NAV3: variants seen among roughly 807,000 people sequenced by gnomAD.
The protein encoded by NAV3 is neuron navigator 3, also known as pore membrane and/or filament interacting like protein 1.
A neutral mutation model predicts 244.7 loss-of-function variants in NAV3; 87 were observed. The observed-to-expected ratio is 0.36, with a 90% CI of 0.30 to 0.42. The LOEUF (loss-of-function observed/expected upper bound fraction) is 0.42, where lower values mean the gene tolerates loss of function less well. NAV3 is among the 20% of genes least tolerant of loss of function. The pLI is 1.00. For missense variants in NAV3, 2,663 were observed against 2,893.3 expected, an observed-to-expected ratio of 0.92 and a Z score of 1.83; for synonymous variants, 1,126 against 1,042.2, an observed-to-expected ratio of 1.08 and a Z score of -1.55.
chr12:78,062,671 C>A (rs1278496487), intron 12 of NAV3, among the ~76,000 whole-genome samples: 2 of 152,000 alleles, frequency 1.3e-5, no homozygotes, highest in Non-Finnish European at 2.9e-5. Flanking sequence ...TTCACTTCTC[C>A]AATATAATAG....
chr12:77,782,252 C>G (rs918007709), intron 2 of NAV3, among the ~76,000 whole-genome samples: 2 of 151,332 alleles, frequency 1.3e-5, no homozygotes, highest in Non-Finnish European at 2.9e-5. Context: ...CCTCTCCCCG[C>G]CTCCAACTCC....
In NAV3 at chr12:77,941,081, C is replaced by T; in HGVS notation, c.362C>T (p.Ala121Val). The change falls in exon 3 of 40, where the codon GCA becomes GTA. Residue 121 changes from alanine to valine, a missense_variant and splice_region_variant. Physicochemically the swap from Ala to Val is moderately conservative, Grantham distance 64. This residue lies in a region of NAV3 where 1,521 missense variants were observed against 1,497.0 expected (regional missense o/e 1.02). Coordinates refer to ENST00000397909, the MANE Select transcript of NAV3 (RefSeq NM_001024383.2). ...CTTTTATTTTATCTCTTGGCTTTAGCAAATGAAAAAGTTGAAGATATCAAT... is the reference window on the plus strand; with the variant it reads ...CTTTTATTTTATCTCTTGGCTTTAGTAAATGAAAAAGTTGAAGATATCAAT... ...VLLAEIIQII[A>V]NEKVEDINGC... 6.4e-7 allele frequency: 1 copy of T among 1,573,328 alleles called. No individual in the cohort carries two copies. Among genetic ancestry groups the T allele is most frequent in the Non-Finnish European group, 8.7e-7 (1 of 1,151,180 alleles).
At chr12:77,626,795 A>C (rs1232461734) in intron 2 of NAV3, among the ~76,000 whole-genome samples, 1 of 152,192 alleles carries the variant, frequency 6.6e-6, no homozygotes, top group Non-Finnish European at 1.5e-5. Flanking sequence ...AGTCATTAGG[A>C]CTTAAATGCT....
At chr12:77,822,329 C>T (rs1016718227) in intron 2 of NAV3, among the ~76,000 whole-genome samples, 1 of 152,176 alleles carries the variant, frequency 6.6e-6, no homozygotes, top group Non-Finnish European at 1.5e-5. Flanking sequence ...CCCTTGTACT[C>T]ATCACCTGCT....
chr12:77,674,008 C>T (rs1874099295), intron 2 of NAV3, among the ~76,000 whole-genome samples: 1 of 151,740 alleles, frequency 6.6e-6, no homozygotes, highest in African/African-American at 2.4e-5. Context: ...AACTTTCAAA[C>T]TAATATCCCA....
At chr12:77,585,457 T>A (rs1869557866) in intron 2 of NAV3, among the ~76,000 whole-genome samples, 1 of 150,596 alleles carries the variant, frequency 6.6e-6, no homozygotes, top group African/African-American at 2.4e-5. Context: ...CCAAGATAAA[T>A]TCCCAGAAAA....
intron 2 of NAV3, among the ~76,000 whole-genome samples, chr12:77,822,229 A>T (rs1872774150): frequency 6.6e-6 from 1 of 152,178 alleles, no homozygotes; most frequent in African/African-American, 2.4e-5. Flanking sequence ...AGCATATATA[A>T]ACAATTTCCA....
chr12:77,971,139 A>G (rs1048231598), intron 5 of NAV3, among the ~76,000 whole-genome samples: 1 of 152,230 alleles, frequency 6.6e-6, no homozygotes, highest in Non-Finnish European at 1.5e-5. Flanking sequence ...ATATAAAGCC[A>G]TGTATAATAC....
chr12:77,736,557 T>C (rs1877342652), intron 2 of NAV3, among the ~76,000 whole-genome samples: 1 of 152,226 alleles, frequency 6.6e-6, no homozygotes, highest in African/African-American at 2.4e-5. Flanking sequence ...TCTTTCCATG[T>C]GGCCACTCCA....
intron 38 of NAV3, among the ~76,000 whole-genome samples, chr12:78,202,468 A>C (rs1411778504): frequency 6.6e-6 from 1 of 152,066 alleles, no homozygotes; most frequent in Non-Finnish European, 1.5e-5. Flanking sequence ...CAAAAGGTAC[A>C]TGGGTTCTTT....
intron 2 of NAV3, among the ~76,000 whole-genome samples, chr12:77,610,250 A>C (rs1870850986): frequency 6.6e-6 from 1 of 152,032 alleles, no homozygotes; most frequent in African/African-American, 2.4e-5. Context: ...AGTCACTCTT[A>C]ATTAACCTCA....
chr12:77,848,513 G>C (rs564324910), intron 1 of NAV3, among the ~76,000 whole-genome samples: 33 of 152,292 alleles, frequency 2.2e-4, no homozygotes, highest in Non-Finnish European at 4.4e-4. Context: ...AAATCTATGA[G>C]AAGTCCTTGC....
chr12:78,057,935 C>T (rs1372493089), intron 11 of NAV3, among the ~76,000 whole-genome samples: 10 of 152,158 alleles, frequency 6.6e-5, no homozygotes, highest in Non-Finnish European at 8.8e-5. Flanking sequence ...AAAAGGTTCA[C>T]AGCAATCATT....
At chr12:77,731,424 T>C (rs2137344234) in intron 2 of NAV3, among the ~76,000 whole-genome samples, 1 of 152,138 alleles carries the variant, frequency 6.6e-6, no homozygotes, top group East Asian at 1.9e-4. Context: ...TGCTCACTAA[T>C]GTAAATGATT....
chr12:77,741,162 A>AAG (rs1203658017), intron 2 of NAV3, among the ~76,000 whole-genome samples: 4 of 149,220 alleles, frequency 2.7e-5, no homozygotes, highest in Admixed American at 6.7e-5. Flanking sequence ...AAAAAAAAAA[A>AAG]AAAAGAAAAG....
At chr12:77,693,962 G>A (rs2247796) in intron 2 of NAV3, among the ~76,000 whole-genome samples, 129,363 of 152,054 alleles carry the variant, frequency 0.85, 56,594 homozygotes, top group East Asian at 1. Context: ...ATGATCTCAC[G>A]TCCCTTATTA....
intron 2 of NAV3, among the ~76,000 whole-genome samples, chr12:77,804,350 T>C (rs2135980221): frequency 6.6e-6 from 1 of 152,326 alleles, no homozygotes; most frequent in East Asian, 1.9e-4. Flanking sequence ...TATATTTGTA[T>C]AAGGTGTATA....
At chr12:77,590,481 A>G (rs1869855164) in intron 2 of NAV3, among the ~76,000 whole-genome samples, 2 of 152,180 alleles carry the variant, frequency 1.3e-5, no homozygotes, top group Non-Finnish European at 2.9e-5. Context: ...TTGAACACAC[A>G]GAGGGGAACA....
intron 1 of NAV3, among the ~76,000 whole-genome samples, chr12:77,862,482 G>A (rs1289693497): frequency 2.0e-5 from 3 of 151,768 alleles, no homozygotes; most frequent in East Asian, 1.9e-4. Context: ...AATCCACTGC[G>A]GCCAGGCTGC....
Sources: gnomAD v4.1 joint callset for allele counts (sites outside exome capture counted in the v4.1 genomes callset) on GRCh38, gnomAD v4.1.1 for gene constraint, gnomAD v4.1.1 regional missense constraint, MANE v1.5 for transcripts, NCBI Gene and HGNC (gene_info 2026-07-23, HGNC 2026-07-21) for gene names.